ACACA: variants seen among roughly 807,000 people sequenced by gnomAD.
ACACA encodes acetyl-CoA carboxylase 1.
A neutral mutation model predicts 296.1 loss-of-function variants in ACACA; 103 were observed. The ratio of observed to expected loss-of-function variants is 0.35; its 90% CI spans 0.30 to 0.41. ACACA has a LOEUF of 0.41. Among genes scored for constraint, ACACA ranks in the 10% least tolerant of loss-of-function variants. The pLI is 1.00. For synonymous variants in ACACA, 953 were observed against 1,038.6 expected (o/e 0.92, Z 1.58); for missense variants, 1,554 against 2,989.7 (o/e 0.52, Z 11.20).
intron 3 of ACACA, among the ~76,000 whole-genome samples, chr17:37,286,559 C>A (rs1189391431): frequency 1.3e-5 from 2 of 152,172 alleles, no homozygotes; most frequent in African/African-American, 4.8e-5. Context: ...AGAAAAGGGC[C>A]TTCCTTCCTA....
Position 37,088,923 on chromosome 17 carries a change from C to G in ACACA, c.7028+15G>C, listed in dbSNP as rs1187518196. 3 of 1,614,006 alleles carry G rather than the reference C, an allele frequency of 1.9e-6. No homozygotes were observed. The highest frequency in any genetic ancestry group is 2.5e-6 in the Non-Finnish European group (3 of 1,179,996). ...AGCCCTCCTTCTCTAGTGGAGTTCC[C>G]CACGTTGGTCTCACCTGCGGATTTG... On this transcript the variant is annotated intron_variant, in intron 55 of 55. Coordinates refer to ENST00000616317, the MANE Select transcript of ACACA (RefSeq NM_198834.3).
intron 1 of ACACA, among the ~76,000 whole-genome samples, chr17:37,363,101 C>T (rs534965570): frequency 1.3e-5 from 2 of 150,884 alleles, no homozygotes; most frequent in South Asian, 2.1e-4. Context: ...ATCCTGCCAC[C>T]TCAGCCTCTC....
chr17:37,244,482 C>T, intron 21 of ACACA, 106 bp downstream of exon 21: 1 of 1,405,350 alleles, frequency 7.1e-7, no homozygotes, highest in Non-Finnish European at 1.0e-6. Context: ...CTAGGCCAAA[C>T]AGCTTTCTTT....
intron 3 of ACACA, among the ~76,000 whole-genome samples, chr17:37,320,244 G>C (rs2047288054): frequency 6.6e-6 from 1 of 152,220 alleles, no homozygotes; most frequent in African/African-American, 2.4e-5. Flanking sequence ...GGGCGCAGTG[G>C]CTCACGCCTG....
intron 14 of ACACA, 85 bp from the exon 15 acceptor site, chr17:37,253,121 G>A: frequency 1.9e-6 from 3 of 1,585,292 alleles, no homozygotes; most frequent in Non-Finnish European, 2.6e-6. Flanking sequence ...GCCAGGCATG[G>A]TGGCTCACGC....
At chr17:37,245,910 T>C (rs1359485162) in intron 19 of ACACA, among the ~76,000 whole-genome samples, 5 of 152,208 alleles carry the variant, frequency 3.3e-5, no homozygotes, top group Admixed American at 3.3e-4. Context: ...ATTACTTCTT[T>C]AGCACCTTTG....
chr17:37,356,941 A>C (rs1186192398), intron 1 of ACACA, among the ~76,000 whole-genome samples: 5 of 152,160 alleles, frequency 3.3e-5, no homozygotes, highest in Non-Finnish European at 7.3e-5. Flanking sequence ...AGGTATAAAA[A>C]TTTTCCTAGT....
chr17:37,377,698 TAAATAAAA>T (rs1232417646), intron 1 of ACACA, among the ~76,000 whole-genome samples: 2 of 139,354 alleles, frequency 1.4e-5, no homozygotes, highest in East Asian at 4.4e-4. Flanking sequence ...AATAAATAAA[TAAATAAAA>T]GTAAAGTCTT....
chr17:37,155,873 G>T, intron 42 of ACACA, 93 bp from the exon 43 acceptor site: 1 of 872,562 alleles, frequency 1.1e-6, no homozygotes, highest in Non-Finnish European at 1.9e-6. Flanking sequence ...TTGTTCCACA[G>T]CTAGCTTTAA....
intron 47 of ACACA, among the ~76,000 whole-genome samples, chr17:37,128,024 CAAAAAAAA>C (rs1173864454): frequency 5.0e-5 from 2 of 39,716 alleles, no homozygotes; most frequent in East Asian, 5.0e-4. Flanking sequence ...AACTCCATCT[CAAAAAAAA>C]AAAAAAAAAA....
chr17:37,288,689 G>A (rs2082903499), intron 3 of ACACA, among the ~76,000 whole-genome samples: 1 of 152,108 alleles, frequency 6.6e-6, no homozygotes, highest in Non-Finnish European at 1.5e-5. Flanking sequence ...CTTGAGCCCA[G>A]GAGTTCAAGA....
rs1438458224 is a variant in ACACA, at chr17:37,173,999, TATATATATATATATATATA to T, written c.5079+5242_5079+5260del. Among the ~76,000 whole-genome samples, 15 of 10,606 alleles carry T rather than the reference TATATATATATATATATATA, an allele frequency of 1.4e-3. 1 individual carries two copies. Among genetic ancestry groups the T allele is most frequent in the East Asian group, 7.5e-3 (3 of 402 alleles). 7.0% of individuals were successfully genotyped at this position (10,606 alleles called of 152,430 possible). A position where few individuals can be genotyped will look rare whatever the true frequency, so the allele number is the denominator to read the frequency against. On this transcript the variant is annotated intron_variant, in intron 41 of 55. Coordinates refer to ENST00000616317, the MANE Select transcript of ACACA (RefSeq NM_198834.3). ...TGGCTAATTTATATATATATATATATATATATATATATATATATATATTTTTTTTTTTTTTTTTTTTTGT... is the reference window on the plus strand; with the variant it reads ...TGGCTAATTTATATATATATATATATTATTTTTTTTTTTTTTTTTTTTTGT...
intron 13 of ACACA, 147 bp downstream of exon 13, chr17:37,258,062 GCAA>G: frequency 8.7e-7 from 1 of 1,154,360 alleles, no homozygotes; most frequent in Non-Finnish European, 1.2e-6. Context: ...AACCAATGAA[GCAA>G]CAACCATTTA....
At chr17:37,260,260 A>G (rs2081392202) in intron 11 of ACACA, among the ~76,000 whole-genome samples, 1 of 12,316 alleles carries the variant, frequency 8.1e-5, no homozygotes, top group African/African-American at 4.7e-4. Flanking sequence ...ATATATATAT[A>G]TATATATATA....
intron 40 of ACACA, 30 bp downstream of exon 40, chr17:37,181,171 C>T (rs773731825): frequency 6.2e-7 from 1 of 1,613,498 alleles, no homozygotes. Context: ...CTCCTTAGAA[C>T]ATGTCAGACC....
At chr17:37,248,293 G>A (rs2080814958) in intron 17 of ACACA, 137 bp from the exon 18 acceptor site, 4 of 1,138,990 alleles carry the variant, frequency 3.5e-6, no homozygotes, top group Non-Finnish European at 5.1e-6. Context: ...ATTTGCATCA[G>A]TGTCTGTGGA....
chr17:37,259,274 T>C, intron 12 of ACACA, 86 bp downstream of exon 12: 1 of 1,470,968 alleles, frequency 6.8e-7, no homozygotes. Context: ...TAGGAGGTGC[T>C]TTTCTCTTAT....
intron 1 of ACACA, among the ~76,000 whole-genome samples, chr17:37,346,680 C>T (rs111827235): frequency 5.7e-4 from 78 of 136,282 alleles, no homozygotes; most frequent in African/African-American, 1.4e-3. Flanking sequence ...CCAGCCTAGG[C>T]GACAGAGCAA....
At chr17:37,230,836 G>T (rs2079824099) in intron 25 of ACACA, among the ~76,000 whole-genome samples, 1 of 152,166 alleles carries the variant, frequency 6.6e-6, no homozygotes, top group African/African-American at 2.4e-5. Context: ...ACATAAAAAG[G>T]TTTGTTTAAA....
Sources: gnomAD v4.1 joint callset for allele counts (sites outside exome capture counted in the v4.1 genomes callset) on GRCh38, gnomAD v4.1.1 for gene constraint, MANE v1.5 for transcripts, NCBI Gene and HGNC (gene_info 2026-07-23, HGNC 2026-07-21) for gene names.